Variants in FAM204A observed in about 807,000 individuals in gnomAD.
FAM204A encodes protein FAM204A.
Under a neutral mutation model 35.4 loss-of-function variants are expected in FAM204A, and 16 were observed. That is an observed-to-expected ratio of 0.45 (90% CI 0.31 to 0.69). The LOEUF (loss-of-function observed/expected upper bound fraction) is 0.69, where lower values mean the gene tolerates loss of function less well. Among genes scored for constraint, FAM204A ranks in the 30% least tolerant of loss-of-function variants. The pLI is 0.07. For synonymous variants in FAM204A, 76 were observed against 86.9 expected (o/e 0.88, Z 0.70); for missense variants, 240 against 265.7 (o/e 0.90, Z 0.67).
intron 7 of FAM204A, among the ~76,000 whole-genome samples, chr10:118,318,382 C>T (rs1367821906): frequency 1.3e-5 from 2 of 151,974 alleles, no homozygotes; most frequent in African/African-American, 4.8e-5. Flanking sequence ...ATCCCTGATA[C>T]TAGCAATGAA....
chr10:118,317,455 G>A (rs932448729), intron 7 of FAM204A, among the ~76,000 whole-genome samples: 3 of 151,876 alleles, frequency 2.0e-5, no homozygotes, highest in African/African-American at 4.8e-5. Context: ...ATAATTAAAA[G>A]AGAGCATAAG....
At chr10:118,316,111 GC>G (rs1328389293) in intron 7 of FAM204A, among the ~76,000 whole-genome samples, 2 of 152,052 alleles carry the variant, frequency 1.3e-5, no homozygotes, top group Non-Finnish European at 2.9e-5. Flanking sequence ...CAAAGAAATA[GC>G]CAAAGTTGAA....
chr10:118,316,560 C>T (rs968478264), intron 7 of FAM204A, among the ~76,000 whole-genome samples: 5 of 152,094 alleles, frequency 3.3e-5, no homozygotes, highest in Non-Finnish European at 7.4e-5. Flanking sequence ...TATGTTTGCA[C>T]GTTTGTATAC....
chr10:118,330,122 G>A (rs1223300504), intron 6 of FAM204A, among the ~76,000 whole-genome samples: 3 of 152,088 alleles, frequency 2.0e-5, no homozygotes, highest in African/African-American at 7.2e-5. Context: ...TTTAAAAAAT[G>A]TAAATACAAC....
intron 2 of FAM204A, among the ~76,000 whole-genome samples, chr10:118,340,383 T>A (rs2133297767): frequency 6.6e-6 from 1 of 152,324 alleles, no homozygotes; most frequent in South Asian, 2.1e-4. Context: ...GCCACTGCAT[T>A]TGTCTGGGCC....
chr10:118,312,574 T>A (rs76237571), intron 7 of FAM204A, among the ~76,000 whole-genome samples: 2,446 of 152,278 alleles, frequency 0.016, 37 homozygotes, highest in Non-Finnish European at 0.023. Flanking sequence ...AAAATAGATT[T>A]GATTTTTCAG....
rs1845938408 is a variant in FAM204A at position 118,310,627 on chromosome 10, A to G, written c.*230T>C. The G allele has an allele frequency of 2.0e-6, 1 of 492,294 alleles. No individual in the cohort carries two copies. Among genetic ancestry groups the G allele is most frequent in the African/African-American group, 2.0e-5 (1 of 49,048 alleles). 30.5% of individuals were successfully genotyped at this position (492,294 alleles called of 1,614,324 possible). A position where few individuals can be genotyped will look rare whatever the true frequency, so the allele number is the denominator to read the frequency against. Reference sequence around the variant, plus strand: ...CAAAATCCTATCCTCTTCTTTCTATATTTTTTTTCTTACATTTCTTATACA... The same window carrying G: ...CAAAATCCTATCCTCTTCTTTCTATGTTTTTTTTCTTACATTTCTTATACA... On this transcript the variant is annotated 3_prime_UTR_variant, in exon 9 of 9. Coordinates refer to ENST00000369183, the MANE Select transcript of FAM204A (RefSeq NM_022063.3).
At chr10:118,340,490 C>A (rs1846460151) in intron 2 of FAM204A, among the ~76,000 whole-genome samples, 1 of 152,100 alleles carries the variant, frequency 6.6e-6, no homozygotes, top group South Asian at 2.1e-4. Flanking sequence ...ATTATAAGTG[C>A]CCTAAATGCC....
intron 6 of FAM204A, among the ~76,000 whole-genome samples, chr10:118,331,272 G>C (rs187356743): frequency 2.6e-5 from 4 of 152,224 alleles, no homozygotes. Context: ...CATACTATAG[G>C]AGTGGCAGGA....
chr10:118,307,239 C>T lies in FAM204A; in HGVS notation c.*3618G>A, dbSNP rs1845877212. 1.3e-5 allele frequency: 2 copies of T among 152,164 alleles called. No individual in the cohort carries two copies. Among genetic ancestry groups the T allele is most frequent in the African/African-American group, 4.8e-5 (2 of 41,424 alleles). 9.4% of individuals were successfully genotyped at this position (152,164 alleles called of 1,614,324 possible). A position where few individuals can be genotyped will look rare whatever the true frequency, so the allele number is the denominator to read the frequency against. ...ACCATGCTAGAAGGCACTGATGTCACAAATACCAGTCTACATTTGGTTCTG... is the reference window on the plus strand; with the variant it reads ...ACCATGCTAGAAGGCACTGATGTCATAAATACCAGTCTACATTTGGTTCTG... On this transcript the variant is annotated 3_prime_UTR_variant, in exon 9 of 9. Transcript: ENST00000369183.
chr10:118,337,143 G>C (rs1228419235), intron 2 of FAM204A: 1 of 632,814 alleles, frequency 1.6e-6, no homozygotes, highest in African/African-American at 2.0e-5. Flanking sequence ...TCCATTAGTA[G>C]AGAGAACCAT....
chr10:118,319,083 A>T (rs1846073115), intron 7 of FAM204A, among the ~76,000 whole-genome samples: 1 of 152,014 alleles, frequency 6.6e-6, no homozygotes, highest in Non-Finnish European at 1.5e-5. Context: ...AACTGACTGG[A>T]AAAGTCCTGA....
At chr10:118,332,145 C>T (rs1846299011) in intron 6 of FAM204A, among the ~76,000 whole-genome samples, 1 of 112,332 alleles carries the variant, frequency 8.9e-6, no homozygotes, top group African/African-American at 3.3e-5. Context: ...GCATTCCAGC[C>T]TGGGCAACAG....
chr10:118,338,749 T>C lies in FAM204A; in HGVS notation c.-8-2326A>G, dbSNP rs571722377. On this transcript the variant is annotated intron_variant, in intron 2 of 8. Transcript: ENST00000369183. ...CCTCTCCAATGGGCAGTGGCACAGG[T>C]CTCCTACTAAACCACTGTTTTAGCA... 2.0e-5 allele frequency among the ~76,000 whole-genome samples: 3 copies of C among 152,214 alleles called. No individual in the cohort carries two copies. In the East Asian group the frequency reaches 5.8e-4, roughly 29 times the overall value.
rs1361356243 is a variant in FAM204A, at chr10:118,303,272, T to C, written c.*7585A>G. 1.3e-5 allele frequency: 2 copies of C among 152,222 alleles called. No homozygotes were observed. The highest frequency in any genetic ancestry group is 2.9e-5 in the Non-Finnish European group (2 of 68,044). 9.4% of individuals were successfully genotyped at this position (152,222 alleles called of 1,614,324 possible). A position where few individuals can be genotyped will look rare whatever the true frequency, so the allele number is the denominator to read the frequency against. On this transcript the variant is annotated 3_prime_UTR_variant, in exon 9 of 9. Coordinates refer to ENST00000369183, the MANE Select transcript of FAM204A (RefSeq NM_022063.3). ...TCAATCTGCTAGACATTTATACATATGTAGAACCAAGATGTCCCTCCAAGG... is the reference window on the plus strand; with the variant it reads ...TCAATCTGCTAGACATTTATACATACGTAGAACCAAGATGTCCCTCCAAGG...
chr10:118,333,355 G>A (rs941343085), intron 6 of FAM204A, among the ~76,000 whole-genome samples: 4 of 152,192 alleles, frequency 2.6e-5, no homozygotes, highest in Non-Finnish European at 5.9e-5. Context: ...TGTTCTAACT[G>A]CATCACAGAT....
At chr10:118,341,187 CT>C (rs1214364522) in intron 2 of FAM204A, among the ~76,000 whole-genome samples, 3 of 152,286 alleles carry the variant, frequency 2.0e-5, no homozygotes, top group East Asian at 3.9e-4. Context: ...ATTTGAGCAG[CT>C]CGATGGGTAA....
At chr10:118,324,381 C>A (rs746057801) in intron 7 of FAM204A, among the ~76,000 whole-genome samples, 3 of 152,172 alleles carry the variant, frequency 2.0e-5, no homozygotes, top group Non-Finnish European at 4.4e-5. Context: ...ATATTCATAG[C>A]AGCATTATTC....
At position 118,310,770 on chromosome 10, in the gene FAM204A, A is replaced by G. The variant is rs1348459632; in HGVS notation, c.*87T>C. 1.0e-5 allele frequency: 12 copies of G among 1,158,168 alleles called. No homozygotes were observed. Among genetic ancestry groups the G allele is most frequent in the Admixed American group, 2.4e-5 (1 of 41,810 alleles). The allele number at this position is 1,158,168 out of a possible 1,614,324, so 71.7% of individuals were successfully genotyped here. A position where few individuals can be genotyped will look rare whatever the true frequency, so the allele number is the denominator to read the frequency against. On this transcript the variant is annotated 3_prime_UTR_variant, in exon 9 of 9. Coordinates refer to ENST00000369183, the MANE Select transcript of FAM204A (RefSeq NM_022063.3). ...GCTTATTTTTGTTTTAGTGCTATCA[A>G]TTTTCTGACATATTAACATAGGCAG...
Sources: gnomAD v4.1 joint callset for allele counts (sites outside exome capture counted in the v4.1 genomes callset) on GRCh38, gnomAD v4.1.1 for gene constraint, MANE v1.5 for transcripts, NCBI Gene and HGNC (gene_info 2026-07-23, HGNC 2026-07-21) for gene names.